Variants in DAAM1 observed in about 807,000 individuals in gnomAD.
The protein encoded by DAAM1 is dishevelled associated activator of morphogenesis 1.
Under a neutral mutation model 130.0 loss-of-function variants are expected in DAAM1, and 52 were observed. That is an observed-to-expected ratio of 0.40 (90% CI 0.32 to 0.50). The LOEUF (loss-of-function observed/expected upper bound fraction) is 0.50. Ranked by LOEUF, DAAM1 falls within the 20% of genes least tolerant of loss-of-function variation. The pLI, the probability that DAAM1 is intolerant of heterozygous loss-of-function variation, is 0.61. For synonymous variants in DAAM1, 452 were observed against 444.5 expected (o/e 1.02, Z -0.21); for missense variants, 1,134 against 1,303.8 (o/e 0.87, Z 2.01).
intron 1 of DAAM1, among the ~76,000 whole-genome samples, chr14:59,189,271 G>A (rs1381200724): frequency 6.6e-6 from 1 of 152,204 alleles, no homozygotes; most frequent in Non-Finnish European, 1.5e-5. Context: ...GTACCCGTTC[G>A]CGTCCGAGCA....
At chr14:59,328,846 GA>G (rs2139630838) in intron 12 of DAAM1, among the ~76,000 whole-genome samples, 1 of 152,298 alleles carries the variant, frequency 6.6e-6, no homozygotes, top group Admixed American at 6.5e-5. Context: ...ATGATGGGTA[GA>G]GTCTAAAAGA....
intron 1 of DAAM1, among the ~76,000 whole-genome samples, chr14:59,191,988 T>G (rs1331706773): frequency 2.0e-5 from 3 of 152,306 alleles, no homozygotes; most frequent in South Asian, 2.1e-4. Context: ...ATTCTGTGGG[T>G]TTTCAGGAGC....
At chr14:59,210,618 A>G (rs905969129) in intron 1 of DAAM1, among the ~76,000 whole-genome samples, 2 of 152,232 alleles carry the variant, frequency 1.3e-5, no homozygotes, top group African/African-American at 4.8e-5. Flanking sequence ...TTATCTTAAC[A>G]TACCCTCTCC....
intron 12 of DAAM1, among the ~76,000 whole-genome samples, chr14:59,328,441 T>C (rs1885293214): frequency 6.6e-6 from 1 of 152,176 alleles, no homozygotes; most frequent in Admixed American, 6.5e-5. Flanking sequence ...AGTGTGCAGG[T>C]TGAGGAGAGC....
chr14:59,264,057 C>G (rs781691294), intron 2 of DAAM1: 10 of 278,084 alleles, frequency 3.6e-5, no homozygotes, highest in Admixed American at 9.7e-5. Flanking sequence ...ACCCCCACAC[C>G]GAATGTACAG....
intron 3 of DAAM1, among the ~76,000 whole-genome samples, chr14:59,300,266 CCT>C (rs1413508426): frequency 3.3e-5 from 5 of 152,070 alleles, no homozygotes; most frequent in African/African-American, 1.2e-4. Flanking sequence ...TTACAAATGC[CCT>C]GTTAAGCCAC....
At chr14:59,199,628 G>C (rs773703604) in intron 1 of DAAM1, among the ~76,000 whole-genome samples, 19 of 152,220 alleles carry the variant, frequency 1.2e-4, no homozygotes, top group South Asian at 2.1e-4. Flanking sequence ...TTGAGTTTGT[G>C]ATTCCTATTT....
intron 3 of DAAM1, among the ~76,000 whole-genome samples, chr14:59,311,848 C>T (rs1489062602): frequency 2.0e-5 from 3 of 152,092 alleles, no homozygotes; most frequent in Admixed American, 6.5e-5. Context: ...GTCAACAAGC[C>T]TGGCTAATTG....
intron 16 of DAAM1, among the ~76,000 whole-genome samples, chr14:59,340,906 T>C (rs572376133): frequency 1.1e-3 from 175 of 152,202 alleles, no homozygotes; most frequent in Non-Finnish European, 1.9e-3. Flanking sequence ...ATGGAGTGAG[T>C]GAAGATGTAA....
intron 1 of DAAM1, among the ~76,000 whole-genome samples, chr14:59,210,982 T>C (rs1441439866): frequency 1.3e-5 from 2 of 151,764 alleles, no homozygotes; most frequent in Non-Finnish European, 2.9e-5. Context: ...GTCTAAAATA[T>C]TTGCAGCATT....
chr14:59,335,611 T>C (rs1200352844), intron 15 of DAAM1, among the ~76,000 whole-genome samples: 2 of 152,174 alleles, frequency 1.3e-5, no homozygotes, highest in African/African-American at 4.8e-5. Context: ...GGGAGTCATA[T>C]CTCTGTAGCA....
chr14:59,354,579 G>C (rs1886405774), intron 19 of DAAM1, among the ~76,000 whole-genome samples: 1 of 152,170 alleles, frequency 6.6e-6, no homozygotes, highest in African/African-American at 2.4e-5. Flanking sequence ...CCTCACAACA[G>C]AGCCTTAGTA....
At position 59,269,867 on chromosome 14, in the gene DAAM1, A is replaced by G. The variant is rs1016727544; in HGVS notation, c.183+6207A>G. On this transcript the variant is annotated intron_variant, in intron 2 of 24. Transcript: ENST00000360909. ...AGGCTCAGGTAACTGAAAGAAGTTC[A>G]GTTTAGATGACGCATAAAAAAACAG... Among the ~76,000 whole-genome samples, 4 of 152,186 alleles carry G rather than the reference A, an allele frequency of 2.6e-5. 1 individual carries two copies. The highest frequency in any genetic ancestry group is 2.9e-5 in the Non-Finnish European group (2 of 68,050).
In DAAM1 at chr14:59,306,871, G is replaced by A. The variant is rs573763092; in HGVS notation, c.274-8409G>A. On this transcript the variant is annotated intron_variant, in intron 3 of 24. Coordinates refer to ENST00000360909, the MANE Select transcript of DAAM1 (RefSeq NM_001270520.2). The stretch of plus-strand genomic sequence containing the variant: ...GCACAGATAGAAACCATACCATGCA[G>A]CCTAGGCAAGGCAACAGAAATACAC... Among the ~76,000 whole-genome samples the A allele has an allele frequency of 5.3e-5, 8 of 152,262 alleles. No individual in the cohort carries two copies. The South Asian group carries it at 8.3e-4, about 16-fold the overall frequency.
intron 3 of DAAM1, among the ~76,000 whole-genome samples, chr14:59,292,767 T>C (rs905952248): frequency 6.6e-6 from 1 of 152,240 alleles, no homozygotes; most frequent in Non-Finnish European, 1.5e-5. Flanking sequence ...TGAGCCTCTA[T>C]CAGATTATTT....
chr14:59,317,475 G>T (rs1884835704), intron 4 of DAAM1, among the ~76,000 whole-genome samples: 2 of 152,144 alleles, frequency 1.3e-5, no homozygotes, highest in Non-Finnish European at 2.9e-5. Context: ...CTGAGATATT[G>T]TACCTGGAGC....
intron 3 of DAAM1, among the ~76,000 whole-genome samples, chr14:59,300,660 T>A (rs751628237): frequency 3.9e-5 from 6 of 152,276 alleles, no homozygotes; most frequent in South Asian, 4.1e-4. Flanking sequence ...AGATTTTTTT[T>A]AAAAAAGAAA....
chr14:59,218,051 T>A (rs1888646842), intron 1 of DAAM1, among the ~76,000 whole-genome samples: 1 of 151,910 alleles, frequency 6.6e-6, no homozygotes. Flanking sequence ...GAGCATCACT[T>A]GGGCCCAGGA....
chr14:59,271,608 GA>G (rs1412724863), intron 2 of DAAM1, among the ~76,000 whole-genome samples: 1 of 152,096 alleles, frequency 6.6e-6, no homozygotes. Context: ...CATATATTCT[GA>G]AGTCATTTTG....
Sources: gnomAD v4.1 joint callset for allele counts (sites outside exome capture counted in the v4.1 genomes callset) on GRCh38, gnomAD v4.1.1 for gene constraint, MANE v1.5 for transcripts, NCBI Gene and HGNC (gene_info 2026-07-23, HGNC 2026-07-21) for gene names.